Variants in MAGEE1 observed in about 807,000 individuals in gnomAD.
MAGEE1 encodes the protein MAGE family member E1, also known as melanoma-associated antigen E1.
Under a neutral mutation model 12.0 loss-of-function variants are expected in MAGEE1, and 3 were observed. That is an observed-to-expected ratio of 0.25 (90% confidence interval 0.11 to 0.65). The LOEUF (loss-of-function observed/expected upper bound fraction) is 0.65, where lower values mean the gene tolerates loss of function less well. MAGEE1 is among the 30% of genes least tolerant of loss of function. The pLI is 0.84. For synonymous variants in MAGEE1, 414 were observed against 326.1 expected (o/e 1.27, Z -2.91); for missense variants, 729 against 772.2 (o/e 0.94, Z 0.66).
In MAGEE1 at chrX:76,429,543, C is replaced by A; in HGVS notation, c.1613C>A (p.Ala538Asp). The A allele has an allele frequency of 8.3e-7, 1 of 1,211,418 alleles. No individual in the cohort carries two copies. Among genetic ancestry groups the A allele is most frequent in the Non-Finnish European group, 1.1e-6 (1 of 895,458 alleles). Residue 538 changes from alanine to aspartate, a missense_variant, in exon 1 of 1, where the codon GCC (alanine) becomes GAC (aspartate). Around this residue, in one of 4 missense-constraint regions of MAGEE1, gnomAD observed 91 missense variants for 133.8 expected, o/e 0.68. Coordinates refer to ENST00000361470, the MANE Select transcript of MAGEE1 (RefSeq NM_020932.3). ...QFPEILRRAA[A>D]HLECIFRFEL... Reference sequence around the variant, plus strand: ...CCTGAGATACTCAGGCGAGCAGCAGCCCACCTGGAGTGCATTTTTAGGTTT... The same window carrying A: ...CCTGAGATACTCAGGCGAGCAGCAGACCACCTGGAGTGCATTTTTAGGTTT...
chrX:76,428,776 C>T lies in MAGEE1; in HGVS notation c.846C>T (p.Ile282=). The change falls in exon 1 of 1, where the codon ATC becomes ATT. Residue 282 remains isoleucine (I), a synonymous_variant. Transcript: ENST00000361470. ...VLPAASDGQS[I]SLVPTRGKGS... ...CCGCCGCCTCTGACGGACAAAGCAT[C>T]TCCTTGGTGCCCACCCGCGGTAAGG... is the stretch of plus-strand genomic sequence containing the variant. 8.3e-7 allele frequency: 1 copy of T among 1,210,537 alleles called. No homozygotes were observed. The highest frequency in any genetic ancestry group is 1.1e-6 in the Non-Finnish European group (1 of 895,176).
In MAGEE1 at chrX:76,428,037, T is replaced by G; in HGVS notation, c.107T>G (p.Leu36Arg). Residue 36 changes from leucine to arginine, a missense_variant, in exon 1 of 1, where the codon CTC (leucine) becomes CGC (arginine). Around this residue, in one of 4 missense-constraint regions of MAGEE1, gnomAD observed 473 missense variants for 423.7 expected, o/e 1.12. Coordinates refer to ENST00000361470, the MANE Select transcript of MAGEE1 (RefSeq NM_020932.3). ...GEMQAPNAPG[L>R]PADVPGSDVP... ...ATGCAGGCCCCTAATGCCCCCGGTCTCCCCGCTGATGTGCCAGGCTCAGAC... is the reference window on the plus strand; with the variant it reads ...ATGCAGGCCCCTAATGCCCCCGGTCGCCCCGCTGATGTGCCAGGCTCAGAC... The G allele has an allele frequency of 8.4e-7, 1 of 1,185,962 alleles. No homozygotes were observed. Among genetic ancestry groups the G allele is most frequent in the Non-Finnish European group, 1.1e-6 (1 of 882,524 alleles).
In MAGEE1 at chrX:76,429,772, G is replaced by A. The variant is rs782152696; in HGVS notation, c.1842G>A (p.Arg614=). 2 of 1,211,421 alleles carry A rather than the reference G, an allele frequency of 1.7e-6. No individual in the cohort carries two copies. The highest frequency in any genetic ancestry group is 5.9e-5 in the East Asian group (2 of 33,801). ...TGCTCTGGAGGATGGGGGTGCAGCGGGAAAGGAGGCTTTCCATTTTTGGGA... is the reference window on the plus strand; with the variant it reads ...TGCTCTGGAGGATGGGGGTGCAGCGAGAAAGGAGGCTTTCCATTTTTGGGA... ...WEMLWRMGVQ[R]ERRLSIFGNP... is the part of the protein sequence containing the mutation. The change falls in exon 1 of 1, where the codon CGG becomes CGA. Residue 614 remains arginine (R), a synonymous_variant. Coordinates refer to ENST00000361470, the MANE Select transcript of MAGEE1 (RefSeq NM_020932.3).
chrX:76,427,924 C>A lies in MAGEE1; in HGVS notation c.-7C>A. ...GCTCCTACACGCCAACGCCGGTGGGCAGGACCATGTCTCTGGTAAGCCAGA... is the reference window on the plus strand; with the variant it reads ...GCTCCTACACGCCAACGCCGGTGGGAAGGACCATGTCTCTGGTAAGCCAGA... On this transcript the variant is annotated 5_prime_UTR_variant, in exon 1 of 1. Transcript: ENST00000361470. The A allele has an allele frequency of 8.4e-7, 1 of 1,187,411 alleles. No individual in the cohort carries two copies. Among genetic ancestry groups the A allele is most frequent in the Non-Finnish European group, 1.1e-6 (1 of 883,736 alleles).
In MAGEE1 at chrX:76,431,332, A is replaced by G. The variant is rs183661110; in HGVS notation, c.*528A>G. ...AAAATGTAATGAAAAATAAAAGATTAATAAATGAAACATAATGCTAATACA... is the reference window on the plus strand; with the variant it reads ...AAAATGTAATGAAAAATAAAAGATTGATAAATGAAACATAATGCTAATACA... On this transcript the variant is annotated 3_prime_UTR_variant, in exon 1 of 1. Transcript: ENST00000361470. 4.0e-5 allele frequency: 5 copies of G among 124,540 alleles called. No homozygotes were observed. The highest frequency in any genetic ancestry group is 2.8e-4 in the Admixed American group (3 of 10,713). The allele number at this position is 124,540 out of a possible 1,213,427, so 10.3% of individuals were successfully genotyped here. A position where few individuals can be genotyped will look rare whatever the true frequency, so the allele number is the denominator to read the frequency against.
At position 76,429,661 on chromosome X, in the gene MAGEE1, T is replaced by A; in HGVS notation, c.1731T>A (p.Asn577Lys). 8.3e-7 allele frequency: 1 copy of A among 1,210,240 alleles called. No homozygotes were observed. The highest frequency in any genetic ancestry group is 1.1e-6 in the Non-Finnish European group (1 of 894,897). ...VPFEGLEESP[N>K]GPKMGLLMMI... is the part of the protein sequence containing the mutation. ...TTGAAGGGTTAGAAGAGAGCCCAAA[T>A]GGGCCAAAGATGGGCCTCCTGATGA... The change falls in exon 1 of 1, where the codon AAT (asparagine) becomes AAA (lysine). Residue 577 changes from asparagine to lysine, a missense_variant. Physicochemically the swap from Asn to Lys is moderately conservative, Grantham distance 94 (BLOSUM62 0). Coordinates refer to ENST00000361470, the MANE Select transcript of MAGEE1 (RefSeq NM_020932.3).
At position 76,428,190 on chromosome X, in the gene MAGEE1, C is replaced by T. The variant is rs1405508831; in HGVS notation, c.260C>T (p.Ala87Val). 8.3e-7 allele frequency: 1 copy of T among 1,206,174 alleles called. No individual in the cohort carries two copies. Among genetic ancestry groups the T allele is most frequent in the Admixed American group, 2.2e-5 (1 of 45,550 alleles). Residue 87 changes from alanine to valine, a missense_variant, in exon 1 of 1, where the codon GCC becomes GTC. This residue lies in a region of MAGEE1 where 473 missense variants were observed against 423.7 expected (regional missense o/e 1.12). Transcript: ENST00000361470. ...STFVPPTISE[A>V]SSASGQPTIS... ...TTTGTGCCGCCCACCATCTCTGAGG[C>T]CTCAAGCGCCTCCGGGCAGCCCACC...
Position 76,428,070 on chromosome X carries a change from A to C in MAGEE1, c.140A>C (p.Gln47Pro). ...PADVPGSDVP[Q>P]GPSDSQILQG... ...GATGTGCCAGGCTCAGACGTCCCCC[A>C]GGGTCCCAGCGATTCCCAGATCCTC... The change falls in exon 1 of 1, where the codon CAG (glutamine) becomes CCG (proline). Residue 47 changes from glutamine (Q) to proline (P), a missense_variant. Physicochemically the swap from Gln to Pro is moderately conservative, Grantham distance 76. Transcript: ENST00000361470. 5.9e-6 allele frequency: 7 copies of C among 1,180,244 alleles called. No homozygotes were observed. Among genetic ancestry groups the C allele is most frequent in the Non-Finnish European group, 8.0e-6 (7 of 879,640 alleles).
In MAGEE1 at chrX:76,428,389, G is replaced by T. The variant is rs782611274; in HGVS notation, c.459G>T (p.Pro153=). The change falls in exon 1 of 1, where the codon CCG becomes CCT. Residue 153 remains proline, a synonymous_variant. Coordinates refer to ENST00000361470, the MANE Select transcript of MAGEE1 (RefSeq NM_020932.3). ...TSSEEPSTSV[P]PTASEVPSTS... is the part of the protein sequence containing the mutation. ...CTGAGGAACCTAGCACCTCCGTGCC[G>T]CCCACCGCCTCTGAGGTACCGAGCA... 8.3e-7 allele frequency: 1 copy of T among 1,209,663 alleles called. No individual in the cohort carries two copies. Among genetic ancestry groups the T allele is most frequent in the South Asian group, 1.8e-5 (1 of 56,999 alleles).
At position 76,428,337 on chromosome X, in the gene MAGEE1, G is replaced by A. The variant is rs1191522783; in HGVS notation, c.407G>A (p.Arg136Gln). The change falls in exon 1 of 1, where the codon CGG becomes CAG. Residue 136 changes from arginine to glutamine, a missense_variant. Physicochemically the swap from Arg to Gln is conservative, Grantham distance 43 (BLOSUM62 1). This residue lies in a region of MAGEE1 where 473 missense variants were observed against 423.7 expected (regional missense o/e 1.12). Transcript: ENST00000361470. The part of the protein sequence containing the change: ...TSVTLAASEG[R>Q]NTSRPPTSSE... Reference sequence around the variant, plus strand: ...GTGACGCTTGCCGCCTCTGAGGGCCGGAACACCTCCAGGCCGCCCACTTCC... The same window carrying A: ...GTGACGCTTGCCGCCTCTGAGGGCCAGAACACCTCCAGGCCGCCCACTTCC... 1.5e-5 allele frequency: 18 copies of A among 1,205,370 alleles called. No individual in the cohort carries two copies. The highest frequency in any genetic ancestry group is 1.9e-5 in the Non-Finnish European group (17 of 893,577).
Position 76,428,395 on chromosome X carries a change from C to A in MAGEE1, c.465C>A (p.Thr155=), listed in dbSNP as rs782191280. ...SEEPSTSVPP[T]ASEVPSTSLP... ...AACCTAGCACCTCCGTGCCGCCCAC[C>A]GCCTCTGAGGTACCGAGCACCTCCC... is the stretch of plus-strand genomic sequence containing the variant. The change falls in exon 1 of 1, where the codon ACC becomes ACA. Residue 155 remains threonine (T), a synonymous_variant. Transcript: ENST00000361470. 7 of 1,209,592 alleles carry A rather than the reference C, an allele frequency of 5.8e-6. No individual in the cohort carries two copies. The Admixed American group carries it at 1.5e-4, about 26-fold the overall frequency.
Position 76,428,964 on chromosome X carries a change from C to A in MAGEE1, c.1034C>A (p.Pro345Gln), listed in dbSNP as rs782215109. The A allele has an allele frequency of 9.9e-6, 12 of 1,209,556 alleles. No homozygotes were observed. Among genetic ancestry groups the A allele is most frequent in the Non-Finnish European group, 1.3e-5 (12 of 895,030 alleles). ...TATEELSTSV[P>Q]PTPGEGPSTS... Reference sequence around the variant, plus strand: ...ACTGAGGAGTTGAGCACCTCCGTGCCGCCCACTCCCGGTGAGGGACCAAGC... The same window carrying A: ...ACTGAGGAGTTGAGCACCTCCGTGCAGCCCACTCCCGGTGAGGGACCAAGC... Residue 345 changes from proline to glutamine, a missense_variant, in exon 1 of 1, where the codon CCG (proline) becomes CAG (glutamine). Physicochemically the swap from Pro to Gln is moderately conservative, Grantham distance 76. Coordinates refer to ENST00000361470, the MANE Select transcript of MAGEE1 (RefSeq NM_020932.3).
chrX:76,427,747 C>G lies in MAGEE1; in HGVS notation c.-184C>G. On this transcript the variant is annotated 5_prime_UTR_variant, in exon 1 of 1. Transcript: ENST00000361470. The stretch of plus-strand genomic sequence containing the variant: ...GCATTCACTGCTGGCCAGTGCCTGC[C>G]TTTTTCACCACCTCTAATTTCAGCT... 2.0e-6 allele frequency: 1 copy of G among 499,848 alleles called. No individual in the cohort carries two copies. Among genetic ancestry groups the G allele is most frequent in the African/African-American group, 2.3e-5 (1 of 42,897 alleles). 41.2% of individuals were successfully genotyped at this position (499,848 alleles called of 1,213,427 possible). A position where few individuals can be genotyped will look rare whatever the true frequency, so the allele number is the denominator to read the frequency against.
At position 76,430,075 on chromosome X, in the gene MAGEE1, G is replaced by A. The variant is rs1556839847; in HGVS notation, c.2145G>A (p.Glu715=). The part of the protein sequence containing the change: ...ALPHFRRPFF[E]EAAAEVPSPD... Reference sequence around the variant, plus strand: ...CTCACTTTAGGAGGCCCTTTTTTGAGGAAGCTGCTGCAGAGGTACCATCCC... The same window carrying A: ...CTCACTTTAGGAGGCCCTTTTTTGAAGAAGCTGCTGCAGAGGTACCATCCC... The change falls in exon 1 of 1, where the codon GAG becomes GAA. Residue 715 remains glutamate, a synonymous_variant. Coordinates refer to ENST00000361470, the MANE Select transcript of MAGEE1 (RefSeq NM_020932.3). 8.3e-7 allele frequency: 1 copy of A among 1,210,313 alleles called. No homozygotes were observed. Among genetic ancestry groups the A allele is most frequent in the South Asian group, 1.8e-5 (1 of 56,682 alleles).
In MAGEE1 at chrX:76,428,045, G is replaced by T. The variant is rs369835498; in HGVS notation, c.115G>T (p.Asp39Tyr). ...QAPNAPGLPA[D>Y]VPGSDVPQGP... Reference sequence around the variant, plus strand: ...CCCTAATGCCCCCGGTCTCCCCGCTGATGTGCCAGGCTCAGACGTCCCCCA... The same window carrying T: ...CCCTAATGCCCCCGGTCTCCCCGCTTATGTGCCAGGCTCAGACGTCCCCCA... The change falls in exon 1 of 1, where the codon GAT becomes TAT. Residue 39 changes from aspartate to tyrosine, a missense_variant. Asp to Tyr is a radical substitution (Grantham distance 160). This residue lies in a region of MAGEE1 where 473 missense variants were observed against 423.7 expected (regional missense o/e 1.12). Transcript: ENST00000361470. 6.2e-5 allele frequency: 73 copies of T among 1,183,304 alleles called. 1 individual carries two copies. The highest frequency in any genetic ancestry group is 8.1e-5 in the Non-Finnish European group (71 of 881,479).
chrX:76,429,252 C>T lies in MAGEE1; in HGVS notation c.1322C>T (p.Ala441Val). ...TTGCCAAGCCCTAGGGTAACCAAGGCCTCCGTGGACTCAGATTCTGAGGGT... is the reference window on the plus strand; with the variant it reads ...TTGCCAAGCCCTAGGGTAACCAAGGTCTCCGTGGACTCAGATTCTGAGGGT... ...LVLPSPRVTK[A>V]SVDSDSEGPK... is the part of the protein sequence containing the mutation. The change falls in exon 1 of 1, where the codon GCC becomes GTC. Residue 441 changes from alanine to valine, a missense_variant. Around this residue, in one of 4 missense-constraint regions of MAGEE1, gnomAD observed 473 missense variants for 423.7 expected, o/e 1.12. Transcript: ENST00000361470. The T allele has an allele frequency of 8.3e-7, 1 of 1,211,541 alleles. No individual in the cohort carries two copies. The highest frequency in any genetic ancestry group is 1.1e-6 in the Non-Finnish European group (1 of 895,357).
In MAGEE1 at chrX:76,428,592, G is replaced by A. The variant is rs1923284644; in HGVS notation, c.662G>A (p.Ser221Asn). 1.7e-6 allele frequency: 2 copies of A among 1,207,920 alleles called. No individual in the cohort carries two copies. The highest frequency in any genetic ancestry group is 2.2e-6 in the Non-Finnish European group (2 of 894,279). The change falls in exon 1 of 1, where the codon AGC becomes AAC. Residue 221 changes from serine (S) to asparagine (N), a missense_variant. Coordinates refer to ENST00000361470, the MANE Select transcript of MAGEE1 (RefSeq NM_020932.3). The stretch of plus-strand genomic sequence containing the variant: ...CCGCTCGCCGCCACTGAGGGCCTGA[G>A]CACCTCCGTGCAGGCCACTCCTGAT... Reference protein sequence around the residue: ...SVPLAATEGLSTSVQATPDEG... With the variant: ...SVPLAATEGLNTSVQATPDEG...
rs1460024852 is a variant in MAGEE1, at chrX:76,430,303, C to T, written c.2373C>T (p.Ala791=). 8.3e-7 allele frequency: 1 copy of T among 1,210,317 alleles called. No homozygotes were observed. The highest frequency in any genetic ancestry group is 1.1e-6 in the Non-Finnish European group (1 of 895,333). ...TCCCTGACCTCCTGAATCGTGCTGC[C>T]CGCACCCTGAACCATGTCTATGGGA... ...KVFPDLLNRA[A]RTLNHVYGTE... The change falls in exon 1 of 1, where the codon GCC becomes GCT. Residue 791 remains alanine, a synonymous_variant. Coordinates refer to ENST00000361470, the MANE Select transcript of MAGEE1 (RefSeq NM_020932.3).
chrX:76,428,027 GC>G lies in MAGEE1; in HGVS notation c.102del (p.Gly35ValfsTer78), dbSNP rs782259627. The G allele has an allele frequency of 8.4e-7, 1 of 1,190,777 alleles. No homozygotes were observed. The highest frequency in any genetic ancestry group is 2.4e-5 in the Admixed American group (1 of 42,344). On this transcript the variant is annotated frameshift_variant, in exon 1 of 1. Transcript: ENST00000361470. LOFTEE classifies it low-confidence loss of function (END_TRUNC). ...CTGGGGCGAAATGCAGGCCCCTAAT[GC>G]CCCCGGTCTCCCCGCTGATGTGCCA... Reference protein sequence around the residue: ...SSWGEMQAPNAPGLPADVPGS... With the variant: ...SSWGEMQAPNXPGLPADVPGS...
Sources: allele counts gnomAD v4.1 joint callset, GRCh38; gene constraint gnomAD v4.1.1; regional missense constraint gnomAD v4.1.1; transcripts MANE v1.5; gene names NCBI Gene and HGNC (gene_info 2026-07-23, HGNC 2026-07-21).